Variants in CACNA1A observed in about 807,000 individuals in gnomAD.
The protein encoded by CACNA1A is voltage-dependent P/Q-type calcium channel subunit alpha-1A.
Under a neutral mutation model 262.4 loss-of-function variants are expected in CACNA1A, and 57 were observed. That is an observed-to-expected ratio of 0.22 (90% CI 0.18 to 0.27). CACNA1A has a LOEUF of 0.27. CACNA1A is among the 10% of genes least tolerant of loss of function. CACNA1A has a pLI of 1.00. For synonymous variants in CACNA1A, 1,431 were observed against 1,419.3 expected (o/e 1.01, Z -0.18); for missense variants, 2,526 against 3,562.8 (o/e 0.71, Z 7.41).
rs150259809 is a variant in CACNA1A at position 13,336,352 on chromosome 19, C to G, written c.979-443G>C. On this transcript the variant is annotated intron_variant, in intron 6 of 46. Transcript: ENST00000360228. ...GGCCTGGTGAAATCACCAAGCCAGA[C>G]AGATGGTCCATGAGCCCTTTCCTCA... Among the ~76,000 whole-genome samples, 96 of 152,272 alleles carry G rather than the reference C, an allele frequency of 6.3e-4. 1 individual carries two copies. The highest frequency in any genetic ancestry group is 2.3e-3 in the African/African-American group (94 of 41,550).
intron 31 of CACNA1A, among the ~76,000 whole-genome samples, chr19:13,240,223 CTA>C (rs1226916914): frequency 1.3e-5 from 2 of 151,172 alleles, no homozygotes; most frequent in Non-Finnish European, 2.9e-5. Flanking sequence ...GAGGTCATGA[CTA>C]TGTGCAGTGT....
In CACNA1A at chr19:13,299,224, C is replaced by A; in HGVS notation, c.2409G>T (p.Trp803Cys). The change falls in exon 19 of 47, where the codon TGG becomes TGT. Residue 803 changes from tryptophan (W) to cysteine (C), a missense_variant. Transcript: ENST00000360228. Reference protein sequence around the residue: ...LYNEMDPDERWKAAYTRHLRP... With the variant: ...LYNEMDPDERCKAAYTRHLRP... ...GCAGGTGCCGCGTGTAGGCAGCCTT[C>A]CAGCGCTCGTCCGGGTCCATTTCGT... The A allele has an allele frequency of 6.2e-7, 1 of 1,611,074 alleles. No homozygotes were observed. The highest frequency in any genetic ancestry group is 8.5e-7 in the Non-Finnish European group (1 of 1,179,878).
intron 19 of CACNA1A, among the ~76,000 whole-genome samples, chr19:13,289,159 T>TG (rs2057477446): frequency 6.8e-6 from 1 of 147,806 alleles, no homozygotes; most frequent in African/African-American, 2.6e-5. Flanking sequence ...TTTTTTTTTT[T>TG]GAGACAGGGT....
chr19:13,376,719 AATAT>A (rs1249348725), intron 3 of CACNA1A, among the ~76,000 whole-genome samples: 3 of 147,834 alleles, frequency 2.0e-5, no homozygotes, highest in African/African-American at 7.4e-5. Context: ...CACTACACAT[AATAT>A]ATGTTATATA....
At chr19:13,313,498 TAAA>T (rs1007419624) in intron 11 of CACNA1A, among the ~76,000 whole-genome samples, 2 of 65,728 alleles carry the variant, frequency 3.0e-5, no homozygotes, top group African/African-American at 6.7e-5. Context: ...AGACCTTGTC[TAAA>T]AAAAAAAAAA....
chr19:13,436,562 C>CTCACTCAT (rs1231534703), intron 3 of CACNA1A, among the ~76,000 whole-genome samples: 3 of 152,096 alleles, frequency 2.0e-5, no homozygotes, highest in African/African-American at 7.2e-5. Context: ...CATTCATCCA[C>CTCACTCAT]TCACTCATTC....
chr19:13,499,524 G>T (rs1982117239), intron 1 of CACNA1A, among the ~76,000 whole-genome samples: 1 of 151,388 alleles, frequency 6.6e-6, no homozygotes. Context: ...AAGAACACTG[G>T]AACCTAAATG....
chr19:13,230,281 TACAGACAGACAGACGG>T, intron 35 of CACNA1A, 72 bp from the exon 36 acceptor site: 4 of 1,552,048 alleles, frequency 2.6e-6, no homozygotes, highest in Non-Finnish European at 3.5e-6. Context: ...GTGAGAAGGA[TACAGACAGACAGACGG>T]ACAGACAGAC....
Position 13,300,669 on chromosome 19 carries a change from T to C in CACNA1A, c.2173-13A>G. The C allele has an allele frequency of 2.5e-6, 4 of 1,603,574 alleles. No homozygotes were observed. The highest frequency in any genetic ancestry group is 3.4e-6 in the Non-Finnish European group (4 of 1,170,416). On this transcript the variant is annotated splice_polypyrimidine_tract_variant and intron_variant, in intron 17 of 46. Transcript: ENST00000360228. ...CCTCTTGCTCGTCCTAAAAGGCACG[T>C]GGAATCTTTGTTCACAAAACATGAA...
intron 11 of CACNA1A, among the ~76,000 whole-genome samples, chr19:13,313,880 G>A (rs1311298529): frequency 6.6e-6 from 1 of 152,154 alleles, no homozygotes; most frequent in Non-Finnish European, 1.5e-5. Context: ...TTGTAATCCT[G>A]AAGTTAAGTA....
chr19:13,387,242 C>T (rs1316104146), intron 3 of CACNA1A, among the ~76,000 whole-genome samples: 1 of 152,196 alleles, frequency 6.6e-6, no homozygotes, highest in African/African-American at 2.4e-5. Context: ...AGGCATGAGC[C>T]ACTGCGCCCG....
chr19:13,266,885 G>C (rs555807714), intron 24 of CACNA1A, among the ~76,000 whole-genome samples: 6 of 152,270 alleles, frequency 3.9e-5, no homozygotes, highest in Admixed American at 1.3e-4. Context: ...CACTTTCATT[G>C]CTTCTGATAA....
At chr19:13,445,665 T>G (rs1043027306) in intron 3 of CACNA1A, among the ~76,000 whole-genome samples, 1 of 152,246 alleles carries the variant, frequency 6.6e-6, no homozygotes, top group Non-Finnish European at 1.5e-5. Flanking sequence ...TATATATATT[T>G]GAGAATGACA....
At chr19:13,433,458 CTCAA>C (rs1568640023) in intron 3 of CACNA1A, among the ~76,000 whole-genome samples, 2 of 30,208 alleles carry the variant, frequency 6.6e-5, no homozygotes, top group Non-Finnish European at 1.1e-4. Flanking sequence ...AAGACGCTGT[CTCAA>C]AAAAAAAAAA....
chr19:13,311,363 C>T (rs1189464412), intron 12 of CACNA1A, among the ~76,000 whole-genome samples: 1 of 152,152 alleles, frequency 6.6e-6, no homozygotes, highest in Non-Finnish European at 1.5e-5. Flanking sequence ...ATAGCTGAGG[C>T]TATAGGCATG....
intron 10 of CACNA1A, among the ~76,000 whole-genome samples, chr19:13,318,890 C>CTTTTTTTTGTTTTTTTTTTTT (rs2058186571): frequency 8.7e-6 from 1 of 114,668 alleles, no homozygotes; most frequent in Non-Finnish European, 1.7e-5. Flanking sequence ...TAAAATACAT[C>CTTTTTTTTGTTTTTTTTTTTT]TTTTTTTTTT....
intron 1 of CACNA1A, among the ~76,000 whole-genome samples, chr19:13,455,491 T>C (rs1005160128): frequency 6.6e-6 from 1 of 152,224 alleles, no homozygotes; most frequent in Non-Finnish European, 1.5e-5. Context: ...TGCCAGACTC[T>C]GTTCTGGGCT....
intron 3 of CACNA1A, among the ~76,000 whole-genome samples, chr19:13,435,148 C>CT (rs1267475568): frequency 6.6e-6 from 1 of 151,582 alleles, no homozygotes; most frequent in Non-Finnish European, 1.5e-5. Context: ...GAGTCTCACT[C>CT]TGTCTCCCAG....
intron 1 of CACNA1A, among the ~76,000 whole-genome samples, chr19:13,456,830 A>G (rs1200815667): frequency 6.6e-6 from 1 of 152,218 alleles, no homozygotes; most frequent in African/African-American, 2.4e-5. Context: ...GGAAGTGCAA[A>G]TCAAACCCCA....
Sources: gnomAD v4.1 joint callset for allele counts (sites outside exome capture counted in the v4.1 genomes callset) on GRCh38, gnomAD v4.1.1 for gene constraint, MANE v1.5 for transcripts, NCBI Gene and HGNC (gene_info 2026-07-23, HGNC 2026-07-21) for gene names.